The following ZC3H12C variants were observed in gnomAD, a reference collection of about 807,000 sequenced individuals.
ZC3H12C encodes the protein probable ribonuclease ZC3H12C.
In ZC3H12C, 20 loss-of-function variants were observed where a neutral mutation model predicts 76.3. The ratio of observed to expected loss-of-function variants is 0.26; its 90% CI spans 0.18 to 0.38. The LOEUF is 0.38. Ranked by LOEUF, ZC3H12C falls within the 10% of genes least tolerant of loss-of-function variation. The pLI is 1.00. For synonymous variants in ZC3H12C, 352 were observed against 399.6 expected (o/e 0.88, Z 1.42); for missense variants, 874 against 1,086.5 (o/e 0.80, Z 2.75).
rs757034841 is a variant in ZC3H12C at position 110,159,315 on chromosome 11, C to A, written c.973C>A (p.Arg325=). The change falls in exon 4 of 6, where the codon CGA becomes AGA. Residue 325 remains arginine (R), a synonymous_variant. Coordinates refer to ENST00000278590, the MANE Select transcript of ZC3H12C (RefSeq NM_033390.2). Reference sequence around the variant, plus strand: ...AATCCTGGTGTTCACGCCATCCCGGCGAGTCCAGGGGAGGAGAGTGGTGTG... The same window carrying A: ...AATCCTGGTGTTCACGCCATCCCGGAGAGTCCAGGGGAGGAGAGTGGTGTG... ...EKILVFTPSR[R]VQGRRVVCYD... 3 of 1,613,704 alleles carry A rather than the reference C, an allele frequency of 1.9e-6. No individual in the cohort carries two copies. Among genetic ancestry groups the A allele is most frequent in the Admixed American group, 1.7e-5 (1 of 59,954 alleles).
intron 1 of ZC3H12C, among the ~76,000 whole-genome samples, chr11:110,104,470 A>G (rs1861282561): frequency 6.6e-6 from 1 of 152,134 alleles, no homozygotes; most frequent in African/African-American, 2.4e-5. Flanking sequence ...TGCAGGAGAG[A>G]CTTACGCTGT....
At position 110,168,221 on chromosome 11, in the gene ZC3H12C, AC is replaced by A. The variant is rs1282048170; in HGVS notation, c.*2485del. The stretch of plus-strand genomic sequence containing the variant: ...AATAGTGTAGCCAGCTGCCACCTCT[AC>A]TGAAGTGAGTAGCTCTGAACTACCC... On this transcript the variant is annotated 3_prime_UTR_variant, in exon 6 of 6. Transcript: ENST00000278590. 1.3e-5 allele frequency: 2 copies of A among 152,118 alleles called. No homozygotes were observed. Among genetic ancestry groups the A allele is most frequent in the African/African-American group, 4.8e-5 (2 of 41,420 alleles). The allele number at this position is 152,118 out of a possible 1,614,324, so 9.4% of individuals were successfully genotyped here.
chr11:110,118,468 A>G (rs950756331), intron 1 of ZC3H12C, among the ~76,000 whole-genome samples: 5 of 152,116 alleles, frequency 3.3e-5, no homozygotes, highest in Admixed American at 2.6e-4. Context: ...TCGCACCAGC[A>G]AGAAGAAAAA....
intron 1 of ZC3H12C, among the ~76,000 whole-genome samples, chr11:110,099,679 G>A (rs1197182984): frequency 6.6e-6 from 1 of 151,732 alleles, no homozygotes; most frequent in Non-Finnish European, 1.5e-5. Context: ...GGGTGTGGTG[G>A]CATGTGCCTG....
intron 1 of ZC3H12C, among the ~76,000 whole-genome samples, chr11:110,127,232 A>G (rs1052375530): frequency 6.6e-6 from 1 of 152,226 alleles, no homozygotes. Flanking sequence ...CTATATCTAC[A>G]GCAATTTATT....
At chr11:110,094,737 G>C (rs1363846276) in intron 1 of ZC3H12C, among the ~76,000 whole-genome samples, 1 of 152,110 alleles carries the variant, frequency 6.6e-6, no homozygotes, top group Non-Finnish European at 1.5e-5. Context: ...GCCTATTTCG[G>C]ACTTGACCCC....
At chr11:110,152,131 A>G (rs542531396) in intron 2 of ZC3H12C, among the ~76,000 whole-genome samples, 34 of 152,192 alleles carry the variant, frequency 2.2e-4, no homozygotes, top group Non-Finnish European at 4.7e-4. Context: ...TGGGATGGGT[A>G]TCATTTTTGA....
Position 110,109,528 on chromosome 11 carries a change from C to G in ZC3H12C, c.21+16096C>G, listed in dbSNP as rs542908595. Among the ~76,000 whole-genome samples, 3 of 152,298 alleles carry G rather than the reference C, an allele frequency of 2.0e-5. No homozygotes were observed. In the East Asian group the frequency reaches 5.8e-4, roughly 29 times the overall value. On this transcript the variant is annotated intron_variant, in intron 1 of 5. Transcript: ENST00000278590. ...GTTATTCACTCATTCATTCCTTCATCATTCATTACCAGCTTTCCATTTTGT... is the reference window on the plus strand; with the variant it reads ...GTTATTCACTCATTCATTCCTTCATGATTCATTACCAGCTTTCCATTTTGT...
intron 1 of ZC3H12C, among the ~76,000 whole-genome samples, chr11:110,110,600 G>T (rs990190281): frequency 1.3e-5 from 2 of 152,200 alleles, no homozygotes; most frequent in African/African-American, 4.8e-5. Flanking sequence ...CTTGAGAATG[G>T]AGAAGGGTGG....
At chr11:110,118,032 A>ATATATATATACACATATATAT (rs1480290022) in intron 1 of ZC3H12C, among the ~76,000 whole-genome samples, 1 of 46,862 alleles carries the variant, frequency 2.1e-5, no homozygotes, top group African/African-American at 5.7e-5. Flanking sequence ...CATATATATT[A>ATATATATATACACATATATAT]TATATATATA....
At chr11:110,138,331 C>CT (rs1442151059) in intron 2 of ZC3H12C, among the ~76,000 whole-genome samples, 1 of 152,064 alleles carries the variant, frequency 6.6e-6, no homozygotes, top group African/African-American at 2.4e-5. Context: ...ACCAGAGAAT[C>CT]ATCTGAGGGA....
intron 2 of ZC3H12C, among the ~76,000 whole-genome samples, chr11:110,150,322 T>G (rs1381905873): frequency 6.8e-6 from 1 of 146,728 alleles, no homozygotes; most frequent in Non-Finnish European, 1.5e-5. Context: ...TTTATTTAAG[T>G]CTTACCTTAT....
In ZC3H12C at chr11:110,171,315, C is replaced by T. The variant is rs534414201; in HGVS notation, c.*5578C>T. 27 of 152,274 alleles carry T rather than the reference C, an allele frequency of 1.8e-4. 1 individual carries two copies. Among genetic ancestry groups the T allele is most frequent in the African/African-American group, 4.3e-4 (18 of 41,558 alleles). 9.4% of individuals were successfully genotyped at this position (152,274 alleles called of 1,614,324 possible). On this transcript the variant is annotated 3_prime_UTR_variant, in exon 6 of 6. Transcript: ENST00000278590. ...TGCAGAGACAAAGCATTTCACTGCA[C>T]GTGTACCAGGTTATTGATTTTATCT...
intron 2 of ZC3H12C, among the ~76,000 whole-genome samples, chr11:110,141,343 A>C (rs956176789): frequency 6.6e-6 from 1 of 152,228 alleles, no homozygotes; most frequent in African/African-American, 2.4e-5. Flanking sequence ...AGAGTTTAGC[A>C]ATCTGTACAA....
chr11:110,152,496 T>C (rs1862290411), intron 2 of ZC3H12C, among the ~76,000 whole-genome samples: 1 of 151,738 alleles, frequency 6.6e-6, no homozygotes, highest in South Asian at 2.1e-4. Context: ...AGAAAAGTTT[T>C]TAGAAACTCA....
In ZC3H12C at chr11:110,137,383, A is replaced by G. The variant is rs780957312; in HGVS notation, c.742A>G (p.Ile248Val). 6.2e-7 allele frequency: 1 copy of G among 1,610,040 alleles called. No homozygotes were observed. Among genetic ancestry groups the G allele is most frequent in the South Asian group, 1.1e-5 (1 of 89,910 alleles). The change falls in exon 2 of 6, where the codon ATA (isoleucine) becomes GTA (valine). Residue 248 changes from isoleucine to valine, a missense_variant. Physicochemically the swap from Ile to Val is conservative, Grantham distance 29. Around this residue, in one of 3 missense-constraint regions of ZC3H12C, gnomAD observed 269 missense variants for 424.9 expected, o/e 0.63. Transcript: ENST00000278590. ...AGATGATGGTGAAAATCTGAGACCA[A>G]TAGTTATTGATGGCAGCAATGTGGC... ...VTDDGENLRP[I>V]VIDGSNVAMS...
rs1025832188 is a variant in ZC3H12C, at chr11:110,105,995, G to A, written c.21+12563G>A. ...TCTAGAAAAGTTATACCAGCCGGGC[G>A]CGGTGGCTCACGCCTGTAATCCCAG... On this transcript the variant is annotated intron_variant, in intron 1 of 5. Coordinates refer to ENST00000278590, the MANE Select transcript of ZC3H12C (RefSeq NM_033390.2). Among the ~76,000 whole-genome samples the A allele has an allele frequency of 9.9e-4, 14 of 14,092 alleles. 6 individuals carry two copies. Among genetic ancestry groups the A allele is most frequent in the African/African-American group, 4.5e-3 (14 of 3,098 alleles). The allele number at this position is 14,092 out of a possible 152,430, so 9.2% of individuals were successfully genotyped here.
intron 1 of ZC3H12C, among the ~76,000 whole-genome samples, chr11:110,104,037 T>G (rs192411383): frequency 6.7e-6 from 1 of 149,422 alleles, no homozygotes; most frequent in African/African-American, 2.5e-5. Context: ...ATTGCAGCAA[T>G]TCAGTCATAT....
In ZC3H12C at chr11:110,144,455, A is replaced by G. The variant is rs114583670; in HGVS notation, c.773+7041A>G. Among the ~76,000 whole-genome samples, 376 of 152,320 alleles carry G rather than the reference A, an allele frequency of 2.5e-3. 2 individuals are homozygous for G. Among genetic ancestry groups the G allele is most frequent in the African/African-American group, 8.8e-3 (366 of 41,566 alleles). On this transcript the variant is annotated intron_variant, in intron 2 of 5. Transcript: ENST00000278590. ...CCCAAGCTCACACAGAAAAGTGGTA[A>G]AGAAAAAATTTAAACTCCTGTCAAA...
Sources: allele counts gnomAD v4.1 joint callset (sites outside exome capture counted in the v4.1 genomes callset), GRCh38; gene constraint gnomAD v4.1.1; regional missense constraint gnomAD v4.1.1; transcripts MANE v1.5; gene names NCBI Gene and HGNC (gene_info 2026-07-23, HGNC 2026-07-21).